Variants in NDST4 observed in about 807,000 individuals in gnomAD.
NDST4 encodes N-deacetylase and N-sulfotransferase 4.
Under a neutral mutation model 100.8 loss-of-function variants are expected in NDST4, and 63 were observed. The ratio of observed to expected loss-of-function variants is 0.62; its 90% CI spans 0.51 to 0.77. The LOEUF (loss-of-function observed/expected upper bound fraction) is 0.77. Ranked by LOEUF, NDST4 falls within the 30% of genes least tolerant of loss-of-function variation. The probability of loss-of-function intolerance (pLI) is 0.00; values close to 1 mark genes in which losing one functional copy is unlikely to be tolerated. For synonymous variants in NDST4, 377 were observed against 361.8 expected, an observed-to-expected ratio of 1.04 and a Z score of -0.48; for missense variants, 943 against 1,018.4, an observed-to-expected ratio of 0.93 and a Z score of 1.01.
intron 4 of NDST4, among the ~76,000 whole-genome samples, chr4:114,954,965 G>A (rs1321665048): frequency 6.6e-6 from 1 of 152,100 alleles, no homozygotes; most frequent in Admixed American, 6.6e-5. Flanking sequence ...TTCTACCAAG[G>A]TTAGAAGCTT....
intron 11 of NDST4, among the ~76,000 whole-genome samples, chr4:114,837,923 A>C (rs1470057531): frequency 6.6e-6 from 1 of 152,252 alleles, no homozygotes; most frequent in African/African-American, 2.4e-5. Context: ...TTTGCAATCC[A>C]TCTGACAGAG....
At chr4:114,935,986 ACAGTTTTTTTT>A (rs1235862700) in intron 5 of NDST4, among the ~76,000 whole-genome samples, 3 of 151,852 alleles carry the variant, frequency 2.0e-5, no homozygotes, top group Non-Finnish European at 4.4e-5. Context: ...CTAATTGCCT[ACAGTTTTTTTT>A]TTCAAAATTA....
intron 7 of NDST4, among the ~76,000 whole-genome samples, chr4:114,857,981 T>A: frequency 6.6e-6 from 1 of 152,010 alleles, no homozygotes; most frequent in Middle Eastern, 3.2e-3. Context: ...GCAGTATGAT[T>A]CAGCCAGGTT....
At chr4:115,020,513 AG>A (rs1187291264) in intron 2 of NDST4, among the ~76,000 whole-genome samples, 1 of 152,144 alleles carries the variant, frequency 6.6e-6, no homozygotes, top group Non-Finnish European at 1.5e-5. Flanking sequence ...TTCATGACCA[AG>A]AACCCAAAAG....
chr4:115,048,501 T>A (rs114461628), intron 2 of NDST4, among the ~76,000 whole-genome samples: 2,291 of 152,294 alleles, frequency 0.015, 24 homozygotes, highest in Non-Finnish European at 0.024. Context: ...TGCATTTTGA[T>A]CAAAAATCTT....
chr4:115,008,140 G>A (rs1302947574), intron 2 of NDST4, among the ~76,000 whole-genome samples: 1 of 128,986 alleles, frequency 7.8e-6, no homozygotes, highest in African/African-American at 2.9e-5. Context: ...CACACTGATG[G>A]GTCTTGACTC....
intron 4 of NDST4, among the ~76,000 whole-genome samples, chr4:114,939,751 A>T (rs371888019): frequency 6.6e-6 from 1 of 152,042 alleles, no homozygotes; most frequent in East Asian, 1.9e-4. Flanking sequence ...AAAAGTTACT[A>T]TATTTATTGA....
intron 2 of NDST4, among the ~76,000 whole-genome samples, chr4:115,044,590 G>A (rs570683894): frequency 6.6e-6 from 1 of 151,816 alleles, no homozygotes; most frequent in Non-Finnish European, 1.5e-5. Flanking sequence ...TAAAATTCAA[G>A]TTCACTCTGG....
chr4:115,088,451 T>C (rs1729450670), intron 1 of NDST4, among the ~76,000 whole-genome samples: 1 of 151,976 alleles, frequency 6.6e-6, no homozygotes, highest in Non-Finnish European at 1.5e-5. Context: ...CTGTAGACCA[T>C]AAACACCTTC....
intron 4 of NDST4, among the ~76,000 whole-genome samples, chr4:114,952,284 A>AT (rs1330398344): frequency 1.3e-5 from 2 of 152,126 alleles, no homozygotes; most frequent in Non-Finnish European, 2.9e-5. Flanking sequence ...ACTGAAGTGT[A>AT]TTTTGTAGGG....
intron 1 of NDST4, among the ~76,000 whole-genome samples, chr4:115,101,894 C>T (rs1194514548): frequency 6.6e-6 from 1 of 151,774 alleles, no homozygotes; most frequent in Non-Finnish European, 1.5e-5. Flanking sequence ...CATTAGGAGA[C>T]GGGTTGGAGA....
intron 2 of NDST4, among the ~76,000 whole-genome samples, chr4:114,992,144 T>C (rs752862866): frequency 6.6e-6 from 1 of 151,920 alleles, no homozygotes; most frequent in Non-Finnish European, 1.5e-5. Context: ...CTGAAGTACA[T>C]ACTTTATTTT....
chr4:115,076,770 A>T lies in NDST4; in HGVS notation c.267T>A (p.Ser89=). ...TVLLFVESQY[S]QLGQDIIAIL... The stretch of plus-strand genomic sequence containing the variant: ...TAGCTATGATATCTTGACCGAGTTG[A>T]GAGTATTGGCTCTCCACGAAGAGAA... Residue 89 remains serine (S), a synonymous_variant, in exon 2 of 14, where the codon TCT becomes TCA. Transcript: ENST00000264363. The T allele has an allele frequency of 6.2e-7, 1 of 1,613,970 alleles. No individual in the cohort carries two copies. The highest frequency in any genetic ancestry group is 8.5e-7 in the Non-Finnish European group (1 of 1,179,942).
At position 114,933,432 on chromosome 4, in the gene NDST4, C is replaced by CTTTTTTTTTTTTTTTTTTTCTT. The variant is rs1725556113; in HGVS notation, c.1536+1773_1536+1774insAAGAAAAAAAAAAAAAAAAAAA. On this transcript the variant is annotated intron_variant, in intron 6 of 13. Transcript: ENST00000264363. ...GACTGGGAATTGATTTTTTCTTTTC[C>CTTTTTTTTTTTTTTTTTTTCTT]TTTTTTTTTTTTTTTTTTTTTTGTG... Among the ~76,000 whole-genome samples the CTTTTTTTTTTTTTTTTTTTCTT allele has an allele frequency of 5.6e-5, 5 of 89,276 alleles. No individual in the cohort carries two copies. The East Asian group carries it at 1.3e-3, about 24-fold the overall frequency. 58.6% of individuals were successfully genotyped at this position (89,276 alleles called of 152,430 possible).
At chr4:114,930,207 T>C (rs963613590) in intron 6 of NDST4, among the ~76,000 whole-genome samples, 5 of 152,224 alleles carry the variant, frequency 3.3e-5, no homozygotes, top group African/African-American at 1.2e-4. Flanking sequence ...AAAATTGAAA[T>C]ATCTCAGATA....
chr4:114,884,482 T>C (rs1724436279), intron 6 of NDST4, among the ~76,000 whole-genome samples: 1 of 152,162 alleles, frequency 6.6e-6, no homozygotes, highest in Admixed American at 6.6e-5. Flanking sequence ...GTAGCACATG[T>C]GAGAGTTCTC....
chr4:114,831,539 C>A (rs921113967), intron 12 of NDST4, among the ~76,000 whole-genome samples: 8 of 152,140 alleles, frequency 5.3e-5, no homozygotes, highest in African/African-American at 1.9e-4. Flanking sequence ...TAAAATACAG[C>A]CCTGGCAGCA....
intron 2 of NDST4, among the ~76,000 whole-genome samples, chr4:115,062,593 A>G (rs1728848337): frequency 6.6e-6 from 1 of 151,784 alleles, no homozygotes; most frequent in Admixed American, 6.6e-5. Context: ...CTGCAAGCAT[A>G]TCAGGCATTA....
chr4:115,095,611 C>T (rs546935100), intron 1 of NDST4, among the ~76,000 whole-genome samples: 33 of 152,198 alleles, frequency 2.2e-4, no homozygotes, highest in Non-Finnish European at 3.8e-4. Flanking sequence ...CTCCTTAAAG[C>T]AATTACCAAC....
Sources: gnomAD v4.1 joint callset for allele counts (sites outside exome capture counted in the v4.1 genomes callset) on GRCh38, gnomAD v4.1.1 for gene constraint, MANE v1.5 for transcripts, NCBI Gene and HGNC (gene_info 2026-07-23, HGNC 2026-07-21) for gene names.